Variants in NKAIN3 observed in about 807,000 individuals in gnomAD.
The protein encoded by NKAIN3 is sodium/potassium transporting ATPase interacting 3, also known as sodium/potassium-transporting ATPase subunit beta-1-interacting protein 3.
NKAIN3 carries 25 observed loss-of-function variants against 30.2 expected under a neutral mutation model. The ratio of observed to expected loss-of-function variants is 0.83; its 90% CI spans 0.60 to 1.16. The LOEUF (loss-of-function observed/expected upper bound fraction) is 1.16. Ranked by LOEUF, NKAIN3 falls within the 50% of genes most tolerant of loss-of-function variation. The pLI is 0.00. For missense variants in NKAIN3, 225 were observed against 254.1 expected, an observed-to-expected ratio of 0.89 and a Z score of 0.78; for synonymous variants, 91 against 89.6, an observed-to-expected ratio of 1.02 and a Z score of -0.09.
chr8:62,716,129 T>C (rs1315253968), intron 3 of NKAIN3, among the ~76,000 whole-genome samples: 1 of 151,440 alleles, frequency 6.6e-6, no homozygotes, highest in Non-Finnish European at 1.5e-5. Flanking sequence ...CCTTTTCTAC[T>C]TCCATGGTGT....
intron 4 of NKAIN3, among the ~76,000 whole-genome samples, chr8:62,787,771 C>T (rs904888652): frequency 1.2e-4 from 18 of 151,942 alleles, no homozygotes; most frequent in African/African-American, 4.1e-4. Context: ...TGAGTGAGAA[C>T]ATGTGGTGTT....
At chr8:62,637,431 T>C (rs896879548) in intron 3 of NKAIN3, among the ~76,000 whole-genome samples, 5 of 152,226 alleles carry the variant, frequency 3.3e-5, no homozygotes, top group African/African-American at 1.2e-4. Flanking sequence ...CTAATCAGTT[T>C]ACTGCTGAGA....
At chr8:62,510,505 C>T (rs1440361513) in intron 1 of NKAIN3, among the ~76,000 whole-genome samples, 1 of 152,000 alleles carries the variant, frequency 6.6e-6, no homozygotes, top group Non-Finnish European at 1.5e-5. Context: ...CTAGGTCAAT[C>T]GCTGGGAAGG....
chr8:62,331,820 C>T (rs901136169), intron 1 of NKAIN3, among the ~76,000 whole-genome samples: 8 of 151,984 alleles, frequency 5.3e-5, no homozygotes, highest in African/African-American at 1.7e-4. Flanking sequence ...AATCAAATAC[C>T]GCTTTGTATT....
intron 1 of NKAIN3, among the ~76,000 whole-genome samples, chr8:62,504,308 C>T (rs1180068767): frequency 6.6e-6 from 1 of 152,208 alleles, no homozygotes; most frequent in Non-Finnish European, 1.5e-5. Context: ...ACCTACTTTG[C>T]AGAATAACTA....
At chr8:62,856,783 T>C (rs1820071844) in intron 4 of NKAIN3, 2 of 644,238 alleles carry the variant, frequency 3.1e-6, no homozygotes, top group Non-Finnish European at 2.8e-6. Context: ...TCCTGTAAGA[T>C]GTAAATATTT....
intron 4 of NKAIN3, among the ~76,000 whole-genome samples, chr8:62,881,004 A>G (rs879819877): frequency 2.0e-5 from 3 of 152,290 alleles, no homozygotes; most frequent in South Asian, 2.1e-4. Context: ...TTTCTGCTCA[A>G]TTTTGCTATG....
At chr8:62,572,983 C>T (rs975883143) in intron 1 of NKAIN3, among the ~76,000 whole-genome samples, 7 of 152,226 alleles carry the variant, frequency 4.6e-5, no homozygotes, top group Middle Eastern at 3.4e-3. Context: ...ACATTTCTTG[C>T]GTTACTGGGA....
At chr8:62,708,119 T>C (rs1007759740) in intron 3 of NKAIN3, among the ~76,000 whole-genome samples, 1 of 152,230 alleles carries the variant, frequency 6.6e-6, no homozygotes, top group African/African-American at 2.4e-5. Context: ...ACTGTTTTGG[T>C]AACTATGGCC....
At chr8:62,834,145 T>C (rs1819283931) in intron 4 of NKAIN3, among the ~76,000 whole-genome samples, 6 of 151,940 alleles carry the variant, frequency 3.9e-5, no homozygotes, top group Admixed American at 3.9e-4. Flanking sequence ...ATAAAAACAC[T>C]CAACGAATTA....
chr8:62,473,569 A>C (rs1357427909), intron 1 of NKAIN3: 1 of 152,178 alleles, frequency 6.6e-6, no homozygotes, highest in Non-Finnish European at 1.5e-5. Context: ...GGGGTCAAAA[A>C]TGGGAGCTTA....
At chr8:62,437,855 A>C (rs1805215091) in intron 1 of NKAIN3, among the ~76,000 whole-genome samples, 3 of 152,202 alleles carry the variant, frequency 2.0e-5, no homozygotes, top group African/African-American at 7.2e-5. Context: ...CTATTAAAGG[A>C]GCAGTCAACG....
intron 6 of NKAIN3, among the ~76,000 whole-genome samples, chr8:62,963,340 C>A (rs961552594): frequency 2.6e-5 from 4 of 152,222 alleles, no homozygotes; most frequent in Non-Finnish European, 5.9e-5. Context: ...TGAAGTAACA[C>A]TTCCAGAATT....
chr8:62,907,249 A>C (rs1318973772), intron 4 of NKAIN3, among the ~76,000 whole-genome samples: 1 of 152,248 alleles, frequency 6.6e-6, no homozygotes, highest in Non-Finnish European at 1.5e-5. Flanking sequence ...AAAGCATTTA[A>C]GAGGTGATTT....
chr8:62,533,428 A>G (rs895341721), intron 1 of NKAIN3, among the ~76,000 whole-genome samples: 3 of 152,222 alleles, frequency 2.0e-5, no homozygotes, highest in Admixed American at 1.3e-4. Flanking sequence ...TCCTAAATGT[A>G]TAGTTTCGCC....
At chr8:62,395,116 G>C (rs1395566801) in intron 1 of NKAIN3, among the ~76,000 whole-genome samples, 1 of 151,738 alleles carries the variant, frequency 6.6e-6, no homozygotes, top group Non-Finnish European at 1.5e-5. Context: ...CGACGGGACA[G>C]AGGTGCTCCT....
intron 3 of NKAIN3, among the ~76,000 whole-genome samples, chr8:62,594,567 A>G (rs1020043243): frequency 6.6e-6 from 1 of 151,996 alleles, no homozygotes; most frequent in Admixed American, 6.6e-5. Flanking sequence ...GCCCAACCAA[A>G]TGTTTTCCTT....
intron 5 of NKAIN3, among the ~76,000 whole-genome samples, chr8:62,940,972 T>C (rs1822940232): frequency 6.7e-6 from 1 of 149,028 alleles, no homozygotes; most frequent in African/African-American, 2.5e-5. Context: ...AACAAAAAGC[T>C]GGTTCTTTGA....
chr8:62,311,500 G>T (rs1318223038), intron 1 of NKAIN3, among the ~76,000 whole-genome samples: 1 of 150,676 alleles, frequency 6.6e-6, no homozygotes, highest in South Asian at 2.1e-4. Context: ...ACTAATGCCT[G>T]TCTGACTCGA....
Sources: allele counts gnomAD v4.1 joint callset (sites outside exome capture counted in the v4.1 genomes callset), GRCh38; gene constraint gnomAD v4.1.1; transcripts MANE v1.5; gene names NCBI Gene and HGNC (gene_info 2026-07-23, HGNC 2026-07-21).